BCAS1: variants seen among roughly 807,000 people sequenced by gnomAD.
BCAS1 encodes breast carcinoma-amplified sequence 1.
In BCAS1, 46 loss-of-function variants were observed where a neutral mutation model predicts 65.4. The ratio of observed to expected loss-of-function variants is 0.70; its 90% CI spans 0.55 to 0.90. The LOEUF is 0.90. Among genes scored for constraint, BCAS1 ranks in the 40% least tolerant of loss-of-function variants. BCAS1 has a pLI of 0.00. For missense variants in BCAS1, 793 were observed against 771.2 expected (o/e 1.03, Z -0.33); for synonymous variants, 298 against 293.5 (o/e 1.02, Z -0.16).
chr20:54,023,890 A>G (rs1462976432), intron 4 of BCAS1, among the ~76,000 whole-genome samples: 1 of 152,182 alleles, frequency 6.6e-6, no homozygotes, highest in Non-Finnish European at 1.5e-5. Flanking sequence ...TATCTCTGTG[A>G]GTTTGGGTTG....
At position 53,992,610 on chromosome 20, in the gene BCAS1, C is replaced by T; in HGVS notation, c.964G>A (p.Gly322Ser). The change falls in exon 7 of 13, where the codon GGT (glycine) becomes AGT (serine). Residue 322 changes from glycine to serine, a missense_variant. Coordinates refer to ENST00000688948, the MANE Select transcript of BCAS1 (RefSeq NM_001366298.2). ...KAESVCDGQA[G>S]QKTSEIQARG... ...GCCTGGATCTCGGATGTCTTCTGAC[C>T]AGCTTGTCCATCACAGACACTTTCT... 1 of 1,365,856 alleles carries T rather than the reference C, an allele frequency of 7.3e-7. No individual in the cohort carries two copies. The highest frequency in any genetic ancestry group is 9.8e-7 in the Non-Finnish European group (1 of 1,021,738). 84.6% of individuals were successfully genotyped at this position (1,365,856 alleles called of 1,614,324 possible).
chr20:54,066,112 G>A (rs1001808192), intron 1 of BCAS1, among the ~76,000 whole-genome samples: 5 of 148,140 alleles, frequency 3.4e-5, no homozygotes, highest in East Asian at 2.0e-4. Flanking sequence ...TGGCTCTGTC[G>A]CCCAGGCTGG....
At chr20:54,045,330 T>C (rs2092083363) in intron 3 of BCAS1, among the ~76,000 whole-genome samples, 2 of 152,138 alleles carry the variant, frequency 1.3e-5, no homozygotes. Flanking sequence ...AATTATAGTA[T>C]GTCTATACCT....
In BCAS1 at chr20:53,979,833, T is replaced by C. The variant is rs208369; in HGVS notation, c.1276-4403A>G. Among the ~76,000 whole-genome samples the C allele has an allele frequency of 9.7e-3, 1,480 of 152,326 alleles. 24 individuals are homozygous for C. The highest frequency in any genetic ancestry group is 0.034 in the African/African-American group (1,424 of 41,562). ...CACTTAGCACAGTACCTGCACATGG[T>C]ATATTTTCAATTAGCAACAGCAATT... On this transcript the variant is annotated intron_variant, in intron 8 of 12. Coordinates refer to ENST00000688948, the MANE Select transcript of BCAS1 (RefSeq NM_001366298.2).
intron 1 of BCAS1, among the ~76,000 whole-genome samples, chr20:54,065,553 G>T (rs1384287593): frequency 6.6e-6 from 1 of 152,196 alleles, no homozygotes; most frequent in African/African-American, 2.4e-5. Flanking sequence ...CCTTCCCCCA[G>T]CGAAGAATTG....
At position 54,060,201 on chromosome 20, in the gene BCAS1, A is replaced by G. The variant is rs2092358997; in HGVS notation, c.-5-1478T>C. Reference sequence around the variant, plus strand: ...CCTCTCTGTGCCTCATAAGACTGCTATAAGGACCCAATGAGTTAATGCTTG... The same window carrying G: ...CCTCTCTGTGCCTCATAAGACTGCTGTAAGGACCCAATGAGTTAATGCTTG... On this transcript the variant is annotated intron_variant, in intron 1 of 12. Coordinates refer to ENST00000688948, the MANE Select transcript of BCAS1 (RefSeq NM_001366298.2). Among the ~76,000 whole-genome samples, 7 of 152,260 alleles carry G rather than the reference A, an allele frequency of 4.6e-5. No homozygotes were observed. The South Asian group carries it at 1.4e-3, about 32-fold the overall frequency.
rs369683097 is a variant in BCAS1 at position 54,065,391 on chromosome 20, G to A, written c.-6+5042C>T. Among the ~76,000 whole-genome samples the A allele has an allele frequency of 5.3e-5, 8 of 152,304 alleles. No individual in the cohort carries two copies. The East Asian group carries it at 1.2e-3, about 22-fold the overall frequency. Reference sequence around the variant, plus strand: ...CAATAAGTGGAGCACAGCGTTTCTGGAGTCAGGAGCGATTTTGGCCCCGAA... The same window carrying A: ...CAATAAGTGGAGCACAGCGTTTCTGAAGTCAGGAGCGATTTTGGCCCCGAA... On this transcript the variant is annotated intron_variant, in intron 1 of 12. Transcript: ENST00000688948.
intron 12 of BCAS1, among the ~76,000 whole-genome samples, chr20:53,947,065 T>C (rs1053129958): frequency 2.0e-5 from 3 of 152,152 alleles, no homozygotes; most frequent in African/African-American, 7.2e-5. Context: ...TACTACATAG[T>C]GTAGTGTAAT....
At chr20:53,963,895 G>A (rs1215001056) in intron 10 of BCAS1, among the ~76,000 whole-genome samples, 2 of 152,242 alleles carry the variant, frequency 1.3e-5, no homozygotes, top group Non-Finnish European at 2.9e-5. Context: ...AGTGTGTGAG[G>A]ATCTTCATAC....
intron 8 of BCAS1, among the ~76,000 whole-genome samples, chr20:53,975,640 A>G (rs563676690): frequency 6.6e-6 from 1 of 152,156 alleles, no homozygotes; most frequent in East Asian, 1.9e-4. Context: ...TTAAAATGCA[A>G]CAAAGAGAAA....
chr20:53,991,529 C>G (rs2090759425), intron 7 of BCAS1, among the ~76,000 whole-genome samples: 1 of 152,110 alleles, frequency 6.6e-6, no homozygotes, highest in African/African-American at 2.4e-5. Context: ...AATTTTCAAG[C>G]ATGCTAACCC....
chr20:53,963,653 T>G (rs1229049529), intron 10 of BCAS1, among the ~76,000 whole-genome samples: 1 of 152,144 alleles, frequency 6.6e-6, no homozygotes, highest in Non-Finnish European at 1.5e-5. Context: ...AAACGTTTAT[T>G]TATTTGGCTC....
intron 4 of BCAS1, among the ~76,000 whole-genome samples, chr20:54,005,303 A>AAAAC (rs141938747): frequency 2.7e-5 from 4 of 148,258 alleles, no homozygotes; most frequent in African/African-American, 1.0e-4. Flanking sequence ...GAAACAAAGC[A>AAAAC]AAAACAAAAC....
chr20:54,067,952 G>A (rs776129792), intron 1 of BCAS1, among the ~76,000 whole-genome samples: 2 of 152,212 alleles, frequency 1.3e-5, no homozygotes, highest in African/African-American at 2.4e-5. Context: ...CATCAGTAAA[G>A]ACCTTGCAGG....
chr20:53,957,561 G>T, intron 10 of BCAS1, 64 bp from the exon 11 acceptor site: 1 of 1,444,110 alleles, frequency 6.9e-7, no homozygotes, highest in Non-Finnish European at 9.7e-7. Flanking sequence ...ATGCAAGAAA[G>T]TTCTGAAATG....
intron 3 of BCAS1, among the ~76,000 whole-genome samples, chr20:54,040,306 A>G (rs1381927781): frequency 6.6e-6 from 1 of 151,352 alleles, no homozygotes; most frequent in East Asian, 1.9e-4. Flanking sequence ...GAGTGTCTCA[A>G]GCACCTTTTA....
At chr20:54,059,737 C>T (rs2092353548) in intron 1 of BCAS1, among the ~76,000 whole-genome samples, 1 of 152,216 alleles carries the variant, frequency 6.6e-6, no homozygotes, top group Admixed American at 6.5e-5. Context: ...CACGCAACCA[C>T]ATTGAACACT....
intron 4 of BCAS1, among the ~76,000 whole-genome samples, chr20:54,015,350 T>G (rs1030339065): frequency 1.3e-5 from 2 of 152,148 alleles, no homozygotes; most frequent in Non-Finnish European, 2.9e-5. Context: ...TTTTTAAGTT[T>G]GTTTTACTAC....
At chr20:54,058,254 TA>T in intron 2 of BCAS1, 100 bp from the exon 3 acceptor site, 1 of 1,085,080 alleles carries the variant, frequency 9.2e-7, no homozygotes, top group South Asian at 1.3e-5. Flanking sequence ...CACAAAAAAT[TA>T]AACTTAACTT....
Sources: allele counts gnomAD v4.1 joint callset (sites outside exome capture counted in the v4.1 genomes callset), GRCh38; gene constraint gnomAD v4.1.1; transcripts MANE v1.5; gene names NCBI Gene and HGNC (gene_info 2026-07-23, HGNC 2026-07-21).